RICTOR: variants seen among roughly 807,000 people sequenced by gnomAD.
RICTOR encodes the protein RPTOR independent companion of MTOR complex 2.
RICTOR carries 49 observed loss-of-function variants against 214.9 expected under a neutral mutation model. The observed-to-expected ratio is 0.23, with a 90% CI of 0.18 to 0.29. The LOEUF is 0.29. Ranked by LOEUF, RICTOR falls within the 10% of genes least tolerant of loss-of-function variation. RICTOR has a pLI of 1.00. For missense variants in RICTOR, 1,625 were observed against 2,047.0 expected (o/e 0.79, Z 3.98); for synonymous variants, 717 against 711.3 (o/e 1.01, Z -0.13).
intron 2 of RICTOR, among the ~76,000 whole-genome samples, chr5:39,032,998 T>A (rs867018853): frequency 6.6e-6 from 1 of 152,200 alleles, no homozygotes; most frequent in Non-Finnish European, 1.5e-5. Flanking sequence ...CATACTAACA[T>A]TACAGCACAT....
intron 2 of RICTOR, among the ~76,000 whole-genome samples, chr5:39,063,366 T>G (rs2150209287): frequency 6.6e-6 from 1 of 152,210 alleles, no homozygotes; most frequent in East Asian, 1.9e-4. Flanking sequence ...AAAACAAAAC[T>G]TACCCCTAAC....
chr5:39,016,094 A>T (rs1754919414), intron 3 of RICTOR, among the ~76,000 whole-genome samples: 1 of 152,164 alleles, frequency 6.6e-6, no homozygotes, highest in South Asian at 2.1e-4. Flanking sequence ...GAATAGACAA[A>T]TTCTAATAAG....
At chr5:39,000,749 A>G (rs916618960) in intron 5 of RICTOR, among the ~76,000 whole-genome samples, 3 of 152,012 alleles carry the variant, frequency 2.0e-5, no homozygotes, top group African/African-American at 7.2e-5. Flanking sequence ...AACAACCAGA[A>G]CTGAAAAGTG....
At chr5:38,990,574 T>TAC (rs1341622405) in intron 7 of RICTOR, among the ~76,000 whole-genome samples, 45 of 79,560 alleles carry the variant, frequency 5.7e-4, no homozygotes, top group South Asian at 3.0e-3. Flanking sequence ...ACACGATATA[T>TAC]ATGATATATA....
chr5:39,034,501 C>A (rs1471821027), intron 2 of RICTOR, among the ~76,000 whole-genome samples: 4 of 152,204 alleles, frequency 2.6e-5, no homozygotes, highest in Non-Finnish European at 5.9e-5. Flanking sequence ...CGTGCATGAG[C>A]CAAAGCAGGG....
chr5:38,967,968 C>A lies in RICTOR; in HGVS notation c.1035G>T (p.Glu345Asp). Residue 345 changes from glutamate (E) to aspartate (D), a missense_variant, in exon 12 of 38, where the codon GAG becomes GAT. Physicochemically the swap from Glu to Asp is conservative, Grantham distance 45. Transcript: ENST00000357387. Reference sequence around the variant, plus strand: ...CTACACTGAGTAGTGCTTCTATGAACTCCTCAGTCACAACAGGTAGAGGAA... The same window carrying A: ...CTACACTGAGTAGTGCTTCTATGAAATCCTCAGTCACAACAGGTAGAGGAA... ...FRLPLPVVTEEFIEALLSVDP... is the reference protein window; with the variant it reads ...FRLPLPVVTEDFIEALLSVDP... 2 of 1,597,070 alleles carry A rather than the reference C, an allele frequency of 1.3e-6. No homozygotes were observed. The highest frequency in any genetic ancestry group is 1.7e-6 in the Non-Finnish European group (2 of 1,164,770).
intron 2 of RICTOR, among the ~76,000 whole-genome samples, chr5:39,036,643 CA>C (rs1166414119): frequency 1.3e-5 from 2 of 151,448 alleles, no homozygotes; most frequent in African/African-American, 4.9e-5. Context: ...AAATGGAAAA[CA>C]AAAAAAGGCA....
At position 38,945,588 on chromosome 5, in the gene RICTOR, T is replaced by C. The variant is rs888979588; in HGVS notation, c.4536A>G (p.Leu1512=). The C allele has an allele frequency of 6.2e-7, 1 of 1,614,020 alleles. No homozygotes were observed. Among genetic ancestry groups the C allele is most frequent in the Non-Finnish European group, 8.5e-7 (1 of 1,179,868 alleles). ...LFLESTEDTG[L]QEHTDDNCLY... Reference sequence around the variant, plus strand: ...GGCAGTTATCATCTGTATGTTCCTGTAGTCCAGTGTCTTCTGTACTTTCTA... The same window carrying C: ...GGCAGTTATCATCTGTATGTTCCTGCAGTCCAGTGTCTTCTGTACTTTCTA... The change falls in exon 34 of 38, where the codon CTA becomes CTG. Residue 1512 remains leucine (L), a synonymous_variant. Coordinates refer to ENST00000357387, the MANE Select transcript of RICTOR (RefSeq NM_152756.5).
chr5:38,961,650 T>A (rs768453950), intron 19 of RICTOR, among the ~76,000 whole-genome samples: 34 of 152,146 alleles, frequency 2.2e-4, no homozygotes, highest in South Asian at 6.2e-4. Context: ...TATGCTTTTT[T>A]ATTTCAGTGC....
At chr5:38,997,011 C>T (rs1397822426) in intron 5 of RICTOR, 129 bp from the exon 6 acceptor site, 1 of 668,394 alleles carries the variant, frequency 1.5e-6, no homozygotes, top group East Asian at 2.7e-5. Flanking sequence ...TATATGATTT[C>T]TCAGTACCAG....
Position 39,074,142 on chromosome 5 carries a change from G to A in RICTOR, c.66C>T (p.Gly22=), listed in dbSNP as rs1759541976. ...TCAGATCCAGCGGGACGTTCTCCTC[G>A]CCGCTGTCATTCCGCCCTGCGCGAA... ...NLRVRGRNDS[G]EENVPLDLTR... is the part of the protein sequence containing the mutation. The change falls in exon 2 of 38, where the codon GGC becomes GGT. Residue 22 remains glycine (G), a synonymous_variant. Transcript: ENST00000357387. 1 of 1,585,660 alleles carries A rather than the reference G, an allele frequency of 6.3e-7. No homozygotes were observed. Among genetic ancestry groups the A allele is most frequent in the Non-Finnish European group, 8.6e-7 (1 of 1,167,980 alleles).
At chr5:38,978,737 T>C in intron 8 of RICTOR, 87 bp from the exon 9 acceptor site, 1 of 642,300 alleles carries the variant, frequency 1.6e-6, no homozygotes, top group Non-Finnish European at 2.7e-6. Flanking sequence ...TCCATTTCTC[T>C]CTATCTTTAA....
intron 5 of RICTOR, among the ~76,000 whole-genome samples, chr5:38,999,462 G>A (rs1316735089): frequency 6.6e-6 from 1 of 152,132 alleles, no homozygotes; most frequent in East Asian, 1.9e-4. Flanking sequence ...CTTTGAACAT[G>A]AAGGCAAAAT....
At chr5:38,945,261 G>A (rs1182554799) in intron 34 of RICTOR, 193 bp from the exon 35 acceptor site, 2 of 613,886 alleles carry the variant, frequency 3.3e-6, no homozygotes, top group Non-Finnish European at 5.7e-6. Flanking sequence ...GGACAGGGCT[G>A]TTCACAGTGG....
chr5:38,959,448 A>G (rs1749597088), intron 21 of RICTOR, 127 bp from the exon 22 acceptor site: 5 of 639,822 alleles, frequency 7.8e-6, no homozygotes, highest in Non-Finnish European at 1.3e-5. Flanking sequence ...TTCAAAGTGT[A>G]TAACTTGATT....
At chr5:38,954,949 TAAAA>T in intron 26 of RICTOR, 88 bp from the exon 27 acceptor site, 7 of 616,818 alleles carry the variant, frequency 1.1e-5, no homozygotes, top group Non-Finnish European at 2.0e-5. Context: ...GTTTGATAAA[TAAAA>T]TTAGATACAA....
chr5:38,949,512 A>G, intron 31 of RICTOR, 200 bp downstream of exon 31: 1 of 1,276,056 alleles, frequency 7.8e-7, no homozygotes, highest in South Asian at 1.4e-5. Flanking sequence ...CAGGGCCTAT[A>G]GGATTTTCTT....
chr5:38,967,226 G>A lies in RICTOR; in HGVS notation c.1153C>T (p.Pro385Ser). 1 of 1,612,234 alleles carries A rather than the reference G, an allele frequency of 6.2e-7. No individual in the cohort carries two copies. Among genetic ancestry groups the A allele is most frequent in the South Asian group, 1.1e-5 (1 of 91,016 alleles). ...TILPHRARSRPDLMDNYLALI... is the reference protein window; with the variant it reads ...TILPHRARSRSDLMDNYLALI... The stretch of plus-strand genomic sequence containing the variant: ...GCCAAATAATTATCCATGAGGTCTG[G>A]CCTGGAAAAAACAGCACAGAAACAA... The change falls in exon 14 of 38, where the codon CCA becomes TCA. Residue 385 changes from proline to serine, a missense_variant and splice_region_variant. Coordinates refer to ENST00000357387, the MANE Select transcript of RICTOR (RefSeq NM_152756.5).
At chr5:39,031,126 G>A (rs1235504400) in intron 2 of RICTOR, among the ~76,000 whole-genome samples, 2 of 152,126 alleles carry the variant, frequency 1.3e-5, no homozygotes, top group Non-Finnish European at 2.9e-5. Context: ...TTGAAGGGCT[G>A]GAGGCTGACT....
Sources: gnomAD v4.1 joint callset for allele counts (sites outside exome capture counted in the v4.1 genomes callset) on GRCh38, gnomAD v4.1.1 for gene constraint, MANE v1.5 for transcripts, NCBI Gene and HGNC (gene_info 2026-07-23, HGNC 2026-07-21) for gene names.